Variants in WWC2 observed in about 807,000 individuals in gnomAD.
WWC2 encodes WW and C2 domain containing 2.
In WWC2, 101 loss-of-function variants were observed where a neutral mutation model predicts 138.5. The observed-to-expected ratio is 0.73, with a 90% confidence interval of 0.62 to 0.86. The LOEUF (loss-of-function observed/expected upper bound fraction) is 0.86. Among genes scored for constraint, WWC2 ranks in the 40% least tolerant of loss-of-function variants. The probability of loss-of-function intolerance (pLI) is 0.00; values close to 1 mark genes in which losing one functional copy is unlikely to be tolerated. For synonymous variants in WWC2, 558 were observed against 538.4 expected, an observed-to-expected ratio of 1.04 and a Z score of -0.50; for missense variants, 1,420 against 1,419.4, an observed-to-expected ratio of 1.00 and a Z score of -0.01.
chr4:183,242,673 C>G (rs914660337), intron 5 of WWC2, among the ~76,000 whole-genome samples: 3 of 152,036 alleles, frequency 2.0e-5, no homozygotes, highest in Non-Finnish European at 4.4e-5. Context: ...TATACACTTT[C>G]CAGAGAAGGA....
At chr4:183,310,560 C>T (rs1462665374) in intron 21 of WWC2, among the ~76,000 whole-genome samples, 6 of 152,032 alleles carry the variant, frequency 3.9e-5, no homozygotes, top group East Asian at 1.9e-4. Context: ...TGTAGTGCAG[C>T]GGTGATCATA....
chr4:183,304,781 C>T (rs942190671), intron 21 of WWC2, among the ~76,000 whole-genome samples: 5 of 152,196 alleles, frequency 3.3e-5, no homozygotes, highest in Non-Finnish European at 5.9e-5. Flanking sequence ...TCTTTACCCC[C>T]ATCTTACCAC....
chr4:183,230,847 G>C (rs746028311), intron 4 of WWC2, among the ~76,000 whole-genome samples: 1 of 152,096 alleles, frequency 6.6e-6, no homozygotes, highest in Non-Finnish European at 1.5e-5. Context: ...ACATGCTTAA[G>C]AAATAAAGAG....
At position 183,319,947 on chromosome 4, in the gene WWC2, C is replaced by T. The variant is rs1739583290; in HGVS notation, c.*4218C>T. On this transcript the variant is annotated 3_prime_UTR_variant, in exon 23 of 23. Coordinates refer to ENST00000403733, the MANE Select transcript of WWC2 (RefSeq NM_024949.6). ...CCCAGAGACCAGCAGGCCCAGAAATCCCAGCCCATTTGACAGAAACATTAA... is the reference window on the plus strand; with the variant it reads ...CCCAGAGACCAGCAGGCCCAGAAATTCCAGCCCATTTGACAGAAACATTAA... The T allele has an allele frequency of 6.2e-7, 1 of 1,613,356 alleles. No homozygotes were observed. The highest frequency in any genetic ancestry group is 1.3e-5 in the African/African-American group (1 of 74,826).
At chr4:183,202,213 G>A (rs1297509318) in intron 2 of WWC2, among the ~76,000 whole-genome samples, 3 of 152,082 alleles carry the variant, frequency 2.0e-5, no homozygotes, top group African/African-American at 7.2e-5. Flanking sequence ...TAGGGCAGGG[G>A]AAATATTGGT....
At chr4:183,127,432 CAA>C (rs1225312977) in intron 1 of WWC2, among the ~76,000 whole-genome samples, 1 of 151,968 alleles carries the variant, frequency 6.6e-6, no homozygotes, top group Non-Finnish European at 1.5e-5. Context: ...TCTTTAAAAA[CAA>C]AAAGTCAAAT....
intron 16 of WWC2, among the ~76,000 whole-genome samples, chr4:183,273,721 CTTGATGGTT>C (rs1737769184): frequency 6.6e-6 from 1 of 152,178 alleles, no homozygotes; most frequent in African/African-American, 2.4e-5. Context: ...TTCTCACTTT[CTTGATGGTT>C]TTATTTACAG....
intron 1 of WWC2, among the ~76,000 whole-genome samples, chr4:183,151,973 A>G (rs1733647178): frequency 6.6e-6 from 1 of 152,212 alleles, no homozygotes; most frequent in African/African-American, 2.4e-5. Flanking sequence ...TAAACACTTT[A>G]TATAAGCCTC....
Position 183,131,346 on chromosome 4 carries a change from T to A in WWC2, c.131+31724T>A, listed in dbSNP as rs377271948. Among the ~76,000 whole-genome samples the A allele has an allele frequency of 1.4e-3, 209 of 152,140 alleles. 1 individual carries two copies. Among genetic ancestry groups the A allele is most frequent in the African/African-American group, 4.9e-3 (203 of 41,552 alleles). On this transcript the variant is annotated intron_variant, in intron 1 of 22. Coordinates refer to ENST00000403733, the MANE Select transcript of WWC2 (RefSeq NM_024949.6). ...TTGGGCAAAGAGTTCTTAGACATGATACCAAAGCATGATTCATGAAAGAAA... is the reference window on the plus strand; with the variant it reads ...TTGGGCAAAGAGTTCTTAGACATGAAACCAAAGCATGATTCATGAAAGAAA...
chr4:183,213,134 T>G (rs1580063717), intron 4 of WWC2, among the ~76,000 whole-genome samples: 2 of 152,352 alleles, frequency 1.3e-5, no homozygotes, highest in Middle Eastern at 3.4e-3. Context: ...CATAGCAGAT[T>G]GGTCCTCACA....
At chr4:183,259,782 G>A in intron 10 of WWC2, 54 bp downstream of exon 10, 1 of 1,197,560 alleles carries the variant, frequency 8.4e-7, no homozygotes, top group Non-Finnish European at 1.2e-6. Flanking sequence ...GCATGTTCTT[G>A]TTCATCTTTG....
intron 1 of WWC2, among the ~76,000 whole-genome samples, chr4:183,106,917 T>G (rs1180874409): frequency 6.6e-6 from 1 of 152,206 alleles, no homozygotes; most frequent in Non-Finnish European, 1.5e-5. Context: ...ATGTGTGTCT[T>G]CAGTTCTCTT....
intron 1 of WWC2, among the ~76,000 whole-genome samples, chr4:183,152,176 T>A (rs1733651661): frequency 6.6e-6 from 1 of 152,084 alleles, no homozygotes; most frequent in African/African-American, 2.4e-5. Context: ...ATTAAGTTCT[T>A]CCTTTGGGTC....
intron 1 of WWC2, among the ~76,000 whole-genome samples, chr4:183,139,688 A>G (rs1479424094): frequency 2.0e-5 from 3 of 152,206 alleles, no homozygotes; most frequent in African/African-American, 7.2e-5. Context: ...AACCAGGCCT[A>G]TCCTAACTGA....
At chr4:183,192,503 G>A (rs192394178) in intron 1 of WWC2, among the ~76,000 whole-genome samples, 95 of 152,276 alleles carry the variant, frequency 6.2e-4, no homozygotes, top group African/African-American at 2.2e-3. Context: ...TCATCTACTG[G>A]TGTTTTTTGT....
chr4:183,284,366 A>G lies in WWC2; in HGVS notation c.3024A>G (p.Gly1008=). 6.2e-7 allele frequency: 1 copy of G among 1,613,258 alleles called. No individual in the cohort carries two copies. The highest frequency in any genetic ancestry group is 2.2e-5 in the East Asian group (1 of 44,880). Reference sequence around the variant, plus strand: ...TGCGCTCACAGACCTTTTCTCCAGGAGAGCGGAACCAGTACATCTGCAGGG... The same window carrying G: ...TGCGCTCACAGACCTTTTCTCCAGGGGAGCGGAACCAGTACATCTGCAGGG... ...VIVRSQTFSP[G]ERNQYICRLN... Residue 1008 remains glycine (G), a synonymous_variant, in exon 19 of 23, where the codon GGA becomes GGG. Coordinates refer to ENST00000403733, the MANE Select transcript of WWC2 (RefSeq NM_024949.6).
intron 4 of WWC2, among the ~76,000 whole-genome samples, chr4:183,235,378 GC>G (rs1275230156): frequency 6.6e-6 from 1 of 151,916 alleles, no homozygotes; most frequent in Non-Finnish European, 1.5e-5. Flanking sequence ...CATGAGATCT[GC>G]CCTCTTAACA....
In WWC2 at chr4:183,271,879, G is replaced by A. The variant is rs906792741; in HGVS notation, c.2562+638G>A. Among the ~76,000 whole-genome samples, 9 of 152,048 alleles carry A rather than the reference G, an allele frequency of 5.9e-5. 1 individual carries two copies. Among genetic ancestry groups the A allele is most frequent in the Admixed American group, 5.2e-4 (8 of 15,252 alleles). ...AAATTAGCTGGGTGCAGTGGTGCAC[G>A]CCTGAAGTCCTTGCTCCTGGGGAGA... On this transcript the variant is annotated intron_variant, in intron 16 of 22. Transcript: ENST00000403733.
At chr4:183,269,202 A>AC (rs11407064) in intron 15 of WWC2, 39 bp downstream of exon 15, 1,273,962 of 1,585,400 alleles carry the variant, frequency 0.8, 514,746 homozygotes, top group Non-Finnish European at 0.82. Context: ...AATAGCACTT[A>AC]GATTGGGTGG....
Sources: allele counts gnomAD v4.1 joint callset (sites outside exome capture counted in the v4.1 genomes callset), GRCh38; gene constraint gnomAD v4.1.1; transcripts MANE v1.5; gene names NCBI Gene and HGNC (gene_info 2026-07-23, HGNC 2026-07-21).